Variants in DLG2 observed in about 807,000 individuals in gnomAD.
DLG2 encodes disks large homolog 2.
A neutral mutation model predicts 132.5 loss-of-function variants in DLG2; 45 were observed. The observed-to-expected ratio is 0.34, with a 90% CI of 0.27 to 0.44. DLG2 has a LOEUF of 0.44. DLG2 is among the 20% of genes least tolerant of loss of function. DLG2 has a pLI of 1.00. For missense variants in DLG2, 1,045 were observed against 1,196.9 expected (o/e 0.87, Z 1.87); for synonymous variants, 424 against 419.6 (o/e 1.01, Z -0.13).
chr11:83,515,909 T>C (rs2140185613), intron 21 of DLG2, among the ~76,000 whole-genome samples: 1 of 152,350 alleles, frequency 6.6e-6, no homozygotes, highest in Middle Eastern at 3.4e-3. Context: ...ATAATTTCTG[T>C]TCTTTTACAT....
At chr11:83,670,380 A>AG (rs1166772677) in intron 18 of DLG2, among the ~76,000 whole-genome samples, 2 of 116,592 alleles carry the variant, frequency 1.7e-5, no homozygotes, top group Admixed American at 7.2e-5. Flanking sequence ...CTGGACATAC[A>AG]GAAAAAAAAA....
intron 7 of DLG2, among the ~76,000 whole-genome samples, chr11:84,323,561 G>A (rs991265032): frequency 1.3e-5 from 2 of 152,170 alleles, no homozygotes; most frequent in Non-Finnish European, 2.9e-5. Context: ...ACACTCAAAA[G>A]TGGTATTGTT....
intron 3 of DLG2, among the ~76,000 whole-genome samples, chr11:85,384,771 T>C (rs58311538): frequency 1.3e-5 from 2 of 152,266 alleles, no homozygotes; most frequent in African/African-American, 4.8e-5. Flanking sequence ...CTTCACCATG[T>C]TGGCCAGGCT....
At chr11:83,786,974 T>C (rs1414434528) in intron 17 of DLG2, among the ~76,000 whole-genome samples, 182 bp from the exon 18 acceptor site, 1 of 152,204 alleles carries the variant, frequency 6.6e-6, no homozygotes, top group Non-Finnish European at 1.5e-5. Context: ...GGAGAGACAT[T>C]AAATTTCACC....
chr11:83,570,609 C>G (rs1383739805), intron 19 of DLG2, among the ~76,000 whole-genome samples: 1 of 151,724 alleles, frequency 6.6e-6, no homozygotes, highest in East Asian at 1.9e-4. Flanking sequence ...ATGTAAAACC[C>G]AAGAGAATAA....
chr11:83,563,777 T>G (rs1438071745), intron 19 of DLG2, among the ~76,000 whole-genome samples: 1 of 152,218 alleles, frequency 6.6e-6, no homozygotes, highest in Admixed American at 6.5e-5. Flanking sequence ...AGAGCTTATC[T>G]TACAGAGTCA....
chr11:84,589,097 T>A (rs2099536771), intron 6 of DLG2, among the ~76,000 whole-genome samples: 1 of 152,086 alleles, frequency 6.6e-6, no homozygotes, highest in Non-Finnish European at 1.5e-5. Flanking sequence ...GTATCCTGAC[T>A]TTGGAGAGGG....
chr11:85,121,839 C>T (rs1220255236), intron 5 of DLG2, among the ~76,000 whole-genome samples: 2 of 152,096 alleles, frequency 1.3e-5, no homozygotes, highest in Non-Finnish European at 2.9e-5. Flanking sequence ...ATTATATATA[C>T]ACATGTACAT....
chr11:83,468,706 A>G (rs1012228653), intron 25 of DLG2, among the ~76,000 whole-genome samples: 2 of 152,078 alleles, frequency 1.3e-5, no homozygotes, highest in East Asian at 1.9e-4. Context: ...TCTCTTTTCC[A>G]TGCCCCTGAA....
chr11:85,266,921 C>G (rs184017829), intron 4 of DLG2, among the ~76,000 whole-genome samples: 79 of 152,310 alleles, frequency 5.2e-4, no homozygotes, highest in African/African-American at 1.9e-3. Flanking sequence ...TATAAACTTT[C>G]CATTCTGGGT....
intron 6 of DLG2, among the ~76,000 whole-genome samples, chr11:84,983,069 C>G (rs997927580): frequency 4.0e-4 from 61 of 152,242 alleles, no homozygotes; most frequent in East Asian, 1.9e-4. Flanking sequence ...GAAGTCTTAT[C>G]CAGTGCAACA....
intron 21 of DLG2, among the ~76,000 whole-genome samples, chr11:83,515,097 G>T (rs888481799): frequency 6.6e-6 from 1 of 152,134 alleles, no homozygotes; most frequent in East Asian, 1.9e-4. Context: ...GTTTCAGAAG[G>T]AATGGTACCA....
At chr11:84,481,233 T>G (rs1217870536) in intron 7 of DLG2, among the ~76,000 whole-genome samples, 1 of 152,216 alleles carries the variant, frequency 6.6e-6, no homozygotes, top group East Asian at 1.9e-4. Context: ...TCTTTTTTTA[T>G]TTGGTATTTT....
At chr11:85,183,884 C>T (rs192698815) in intron 4 of DLG2, among the ~76,000 whole-genome samples, 2 of 152,012 alleles carry the variant, frequency 1.3e-5, no homozygotes, top group African/African-American at 4.8e-5. Flanking sequence ...AAGGAGGAGG[C>T]AATTAAGATG....
At chr11:84,008,899 GTCTT>G (rs2094720952) in intron 11 of DLG2, among the ~76,000 whole-genome samples, 2 of 150,500 alleles carry the variant, frequency 1.3e-5, no homozygotes, top group Non-Finnish European at 3.0e-5. Context: ...TCTAGTGTCT[GTCTT>G]TATCTACAGA....
At chr11:85,504,058 G>A (rs1338020051) in intron 3 of DLG2, among the ~76,000 whole-genome samples, 1 of 152,148 alleles carries the variant, frequency 6.6e-6, no homozygotes, top group Non-Finnish European at 1.5e-5. Context: ...TGAGGGGGAT[G>A]TTTGATTTTT....
At chr11:84,625,139 C>T (rs1462220207) in intron 6 of DLG2, among the ~76,000 whole-genome samples, 1 of 151,886 alleles carries the variant, frequency 6.6e-6, no homozygotes, top group African/African-American at 2.4e-5. Flanking sequence ...GGATTACAGG[C>T]GTGAGCCACC....
intron 7 of DLG2, among the ~76,000 whole-genome samples, chr11:84,412,040 G>A (rs571896463): frequency 6.0e-5 from 9 of 151,014 alleles, no homozygotes; most frequent in East Asian, 2.0e-4. Flanking sequence ...AGGAGTGTGC[G>A]AACCCAAGCT....
intron 17 of DLG2, among the ~76,000 whole-genome samples, chr11:83,816,018 C>A (rs2048797452): frequency 6.6e-6 from 1 of 152,166 alleles, no homozygotes. Context: ...GTCTAATTCC[C>A]TCTCTTTCTC....
Sources: gnomAD v4.1 joint callset for allele counts (sites outside exome capture counted in the v4.1 genomes callset) on GRCh38, gnomAD v4.1.1 for gene constraint, MANE v1.5 for transcripts, NCBI Gene and HGNC (gene_info 2026-07-23, HGNC 2026-07-21) for gene names.